CENPK: variants seen among roughly 807,000 people sequenced by gnomAD.
CENPK encodes the protein centromere protein K, also known as SoxLZ/Sox6-binding protein Solt.
A neutral mutation model predicts 40.9 loss-of-function variants in CENPK; 46 were observed. The ratio of observed to expected loss-of-function variants is 1.13; its 90% CI spans 0.89 to 1.44. CENPK has a LOEUF of 1.44. Ranked by LOEUF, CENPK falls within the 40% of genes most tolerant of loss-of-function variation. The pLI is 0.00. For synonymous variants in CENPK, 107 were observed against 104.4 expected, an observed-to-expected ratio of 1.02 and a Z score of -0.15; for missense variants, 288 against 303.5, an observed-to-expected ratio of 0.95 and a Z score of 0.38.
At chr5:65,551,217 TC>T in intron 5 of CENPK, 1 of 328,208 alleles carries the variant, frequency 3.0e-6, no homozygotes, top group Non-Finnish European at 5.6e-6. Flanking sequence ...GCCACTGTAC[TC>T]CAGCCTGGAC....
chr5:65,544,138 T>C (rs1326349570), intron 5 of CENPK, among the ~76,000 whole-genome samples: 1 of 152,186 alleles, frequency 6.6e-6, no homozygotes, highest in African/African-American at 2.4e-5. Flanking sequence ...TATTAGAATA[T>C]TCAGTGCCTT....
chr5:65,528,628 C>T, intron 8 of CENPK, 50 bp from the exon 9 acceptor site: 5 of 1,440,120 alleles, frequency 3.5e-6, no homozygotes, highest in South Asian at 1.5e-5. Flanking sequence ...AAAACACATA[C>T]ACACATGTAA....
chr5:65,540,808 C>CT (rs36024048), intron 6 of CENPK, among the ~76,000 whole-genome samples: 6,644 of 130,184 alleles, frequency 0.051, 282 homozygotes, highest in African/African-American at 0.11. Flanking sequence ...CAACTGTATC[C>CT]TTTTTTTTTT....
At chr5:65,511,941 C>T in the CENPK span, among the ~76,000 whole-genome samples, 1 of 152,114 alleles carries the variant, frequency 6.6e-6, no homozygotes, top group African/African-American at 2.4e-5. Context: ...AATTATTCGC[C>T]ACTCTAGATG....
At chr5:65,543,523 C>T (rs10805398) in intron 5 of CENPK, among the ~76,000 whole-genome samples, 61,816 of 151,908 alleles carry the variant, frequency 0.41, 12,930 homozygotes, top group East Asian at 0.65. Context: ...GGTCATATCA[C>T]ACATATTATA....
chr5:65,496,539 CATT>C, the CENPK span, among the ~76,000 whole-genome samples: 1 of 151,974 alleles, frequency 6.6e-6, no homozygotes, highest in African/African-American at 2.4e-5. Context: ...TCATAAAGAA[CATT>C]ATAAGCATAT....
At chr5:65,514,754 G>A (rs148980034), downstream of CENPK, among the ~76,000 whole-genome samples, 84 of 152,242 alleles carry the variant, frequency 5.5e-4, no homozygotes, top group African/African-American at 1.9e-3. Flanking sequence ...GTTTATGCAA[G>A]GCAGTTATTT....
At chr5:65,550,463 G>A (rs1749772755) in intron 5 of CENPK, 1 of 152,218 alleles carries the variant, frequency 6.6e-6, no homozygotes, top group Non-Finnish European at 1.5e-5. Context: ...GGTCAGCAGA[G>A]CAGTCAGAAT....
At chr5:65,533,034 GA>G (rs1746166575) in intron 6 of CENPK, among the ~76,000 whole-genome samples, 1 of 151,062 alleles carries the variant, frequency 6.6e-6, no homozygotes, top group South Asian at 2.1e-4. Context: ...AAGAGTAAGT[GA>G]CAAAATTCAA....
intron 5 of CENPK, among the ~76,000 whole-genome samples, chr5:65,543,160 C>A (rs1348562378): frequency 6.6e-6 from 1 of 152,184 alleles, no homozygotes; most frequent in Non-Finnish European, 1.5e-5. Context: ...GATGGGATTT[C>A]ATCATGTTGG....
chr5:65,551,949 G>A (rs561327628), intron 4 of CENPK, among the ~76,000 whole-genome samples: 7 of 149,770 alleles, frequency 4.7e-5, no homozygotes, highest in African/African-American at 1.5e-4. Context: ...AAAGTTAGCC[G>A]CCTTTGTTCT....
intron 9 of CENPK, among the ~76,000 whole-genome samples, chr5:65,523,824 C>T (rs1460483223): frequency 6.6e-6 from 1 of 152,050 alleles, no homozygotes; most frequent in African/African-American, 2.4e-5. Flanking sequence ...AAAGAACTCT[C>T]CAGATATAGT....
chr5:65,554,501 A>AC (rs1279457908), intron 3 of CENPK, among the ~76,000 whole-genome samples: 36 of 152,208 alleles, frequency 2.4e-4, no homozygotes, highest in African/African-American at 8.2e-4. Flanking sequence ...CCTGCTAAGT[A>AC]TAGTCTTTGT....
chr5:65,541,506 G>A (rs1244018243), intron 6 of CENPK: 3 of 451,698 alleles, frequency 6.6e-6, no homozygotes, highest in Non-Finnish European at 1.3e-5. Flanking sequence ...ACGTTGTATT[G>A]AGTGGTGACG....
At chr5:65,537,273 C>G (rs1747080763) in intron 6 of CENPK, among the ~76,000 whole-genome samples, 1 of 152,162 alleles carries the variant, frequency 6.6e-6, no homozygotes, top group Admixed American at 6.5e-5. Context: ...TATGAACAAA[C>G]TTTTTAAATA....
At chr5:65,531,357 A>G (rs377529072) in intron 6 of CENPK, among the ~76,000 whole-genome samples, 1 of 152,174 alleles carries the variant, frequency 6.6e-6, no homozygotes, top group Non-Finnish European at 1.5e-5. Context: ...TGAAAATAGG[A>G]AATTATTATA....
At chr5:65,523,988 C>T (rs1251757335) in intron 9 of CENPK, among the ~76,000 whole-genome samples, 1 of 152,090 alleles carries the variant, frequency 6.6e-6, no homozygotes, top group East Asian at 1.9e-4. Flanking sequence ...TTTACACCAT[C>T]CAAGAATCCA....
chr5:65,507,919 T>C, the CENPK span, among the ~76,000 whole-genome samples: 55 of 152,354 alleles, frequency 3.6e-4, no homozygotes, highest in Non-Finnish European at 6.8e-4. Flanking sequence ...AGTTATTTCA[T>C]AGGATAAACT....
chr5:65,515,953 G>A (rs774874519), downstream of CENPK, among the ~76,000 whole-genome samples: 1 of 152,128 alleles, frequency 6.6e-6, no homozygotes, highest in South Asian at 2.1e-4. Context: ...CAATTTCTGG[G>A]GAAGGCTCTC....
Sources: allele counts gnomAD v4.1 joint callset (sites outside exome capture counted in the v4.1 genomes callset), GRCh38; gene constraint gnomAD v4.1.1; transcripts MANE v1.5; gene names NCBI Gene and HGNC (gene_info 2026-07-23, HGNC 2026-07-21).